The following GALNT17 variants were observed in gnomAD, a reference collection of about 807,000 sequenced individuals.
GALNT17 encodes UDP-GalNAc:polypeptide N-acetylgalactosaminyltransferase-like 3.
Under a neutral mutation model 63.7 loss-of-function variants are expected in GALNT17, and 29 were observed. The ratio of observed to expected loss-of-function variants is 0.46; its 90% CI spans 0.34 to 0.62. The LOEUF is 0.62. Among genes scored for constraint, GALNT17 ranks in the 20% least tolerant of loss-of-function variants. The pLI, the probability that GALNT17 is intolerant of heterozygous loss-of-function variation, is 0.01. For missense variants in GALNT17, 603 were observed against 799.6 expected, an observed-to-expected ratio of 0.75 and a Z score of 2.97; for synonymous variants, 305 against 318.3, an observed-to-expected ratio of 0.96 and a Z score of 0.45.
At chr7:71,621,492 T>A (rs2116971578) in intron 6 of GALNT17, among the ~76,000 whole-genome samples, 1 of 147,950 alleles carries the variant, frequency 6.8e-6, no homozygotes, top group African/African-American at 2.5e-5. Flanking sequence ...AATGGATGGA[T>A]TGATGGATAG....
intron 2 of GALNT17, among the ~76,000 whole-genome samples, chr7:71,338,253 G>A (rs1207713827): frequency 2.0e-5 from 3 of 152,020 alleles, no homozygotes; most frequent in Non-Finnish European, 4.4e-5. Flanking sequence ...CGTGAACCCG[G>A]GAGGCGGAGG....
intron 3 of GALNT17, among the ~76,000 whole-genome samples, chr7:71,407,405 CT>C (rs1793348286): frequency 6.6e-6 from 1 of 152,132 alleles, no homozygotes; most frequent in Non-Finnish European, 1.5e-5. Flanking sequence ...GAAGAACCCC[CT>C]GGCCACAGAA....
intron 6 of GALNT17, among the ~76,000 whole-genome samples, chr7:71,612,828 G>T (rs912528461): frequency 2.4e-4 from 37 of 152,312 alleles, no homozygotes; most frequent in African/African-American, 8.4e-4. Context: ...AAACTGGGCA[G>T]GGTGAAAATT....
chr7:71,537,923 G>C (rs1185171531), intron 5 of GALNT17, among the ~76,000 whole-genome samples: 2 of 152,140 alleles, frequency 1.3e-5, no homozygotes, highest in East Asian at 3.9e-4. Context: ...ACAGATCAAG[G>C]AATTCCTGTG....
chr7:71,605,132 A>G (rs1790025907), intron 6 of GALNT17, among the ~76,000 whole-genome samples: 1 of 152,206 alleles, frequency 6.6e-6, no homozygotes, highest in African/African-American at 2.4e-5. Context: ...TGAAAGCTGG[A>G]CACATTCTTC....
intron 6 of GALNT17, among the ~76,000 whole-genome samples, chr7:71,648,438 C>G (rs932314087): frequency 1.3e-5 from 2 of 151,880 alleles, no homozygotes; most frequent in Non-Finnish European, 2.9e-5. Flanking sequence ...GCCCAGATAA[C>G]GTTTTTAAAA....
intron 3 of GALNT17, among the ~76,000 whole-genome samples, chr7:71,398,876 T>C (rs1211911778): frequency 6.6e-6 from 1 of 152,232 alleles, no homozygotes; most frequent in South Asian, 2.1e-4. Flanking sequence ...GATCAGACAT[T>C]GTGCACTTGA....
chr7:71,530,218 T>C (rs1419569272), intron 5 of GALNT17, among the ~76,000 whole-genome samples: 2 of 152,270 alleles, frequency 1.3e-5, no homozygotes, highest in South Asian at 2.1e-4. Context: ...TGCTCCTAAG[T>C]ATCTGGATTG....
At chr7:71,625,378 TC>T (rs1790356757) in intron 6 of GALNT17, among the ~76,000 whole-genome samples, 1 of 152,076 alleles carries the variant, frequency 6.6e-6, no homozygotes, top group South Asian at 2.1e-4. Flanking sequence ...ACTCCTGACC[TC>T]AGGTGATCCA....
At position 71,259,892 on chromosome 7, in the gene GALNT17, C is replaced by T. The variant is rs184584928; in HGVS notation, c.239-75658C>T. On this transcript the variant is annotated intron_variant, in intron 1 of 10. Transcript: ENST00000333538. ...TCCTGACCTCGTGATCCACCCGCCT[C>T]GGCCTCCCAAAGTGCTGAGATTACA... Among the ~76,000 whole-genome samples, 100 of 152,074 alleles carry T rather than the reference C, an allele frequency of 6.6e-4. 1 individual carries two copies. The highest frequency in any genetic ancestry group is 1.2e-3 in the Non-Finnish European group (81 of 67,986).
chr7:71,347,315 C>G (rs1792113727), intron 2 of GALNT17, among the ~76,000 whole-genome samples: 1 of 152,148 alleles, frequency 6.6e-6, no homozygotes, highest in African/African-American at 2.4e-5. Context: ...GGGCAAGTTG[C>G]TTAACCTGTC....
chr7:71,157,622 C>G (rs1242625081), intron 1 of GALNT17, among the ~76,000 whole-genome samples: 1 of 151,514 alleles, frequency 6.6e-6, no homozygotes, highest in Non-Finnish European at 1.5e-5. Context: ...TGCGCCACTG[C>G]TTTCCGGCCT....
At chr7:71,360,602 AAG>A (rs1792380305) in intron 2 of GALNT17, among the ~76,000 whole-genome samples, 1 of 151,868 alleles carries the variant, frequency 6.6e-6, no homozygotes, top group Non-Finnish European at 1.5e-5. Context: ...CTCTCCTAAT[AAG>A]AGTGTGTAAA....
At chr7:71,264,947 A>G (rs1472158698) in intron 1 of GALNT17, among the ~76,000 whole-genome samples, 5 of 151,204 alleles carry the variant, frequency 3.3e-5, no homozygotes, top group African/African-American at 1.2e-4. Flanking sequence ...ACAACAATGT[A>G]TTGTAGATTT....
intron 5 of GALNT17, among the ~76,000 whole-genome samples, chr7:71,508,810 GT>G: frequency 6.6e-6 from 1 of 152,236 alleles, no homozygotes; most frequent in Admixed American, 6.5e-5. Flanking sequence ...GAGCTCCCTG[GT>G]TGTGGGGCCG....
At chr7:71,152,698 T>C (rs1289969707) in intron 1 of GALNT17, among the ~76,000 whole-genome samples, 1 of 152,080 alleles carries the variant, frequency 6.6e-6, no homozygotes, top group Admixed American at 6.6e-5. Context: ...AGTGGTGCAA[T>C]CTCTGCTCAG....
At chr7:71,335,780 TG>T in intron 2 of GALNT17, 47 bp downstream of exon 2, 2 of 1,525,434 alleles carry the variant, frequency 1.3e-6, no homozygotes, top group South Asian at 1.3e-5. Context: ...GTCGTCAGAG[TG>T]GGTGTAGACC....
intron 2 of GALNT17, among the ~76,000 whole-genome samples, chr7:71,348,225 C>T (rs1453531196): frequency 6.6e-6 from 1 of 151,430 alleles, no homozygotes; most frequent in Non-Finnish European, 1.5e-5. Flanking sequence ...CACACCATTG[C>T]ACTCCAGCCT....
intron 5 of GALNT17, among the ~76,000 whole-genome samples, chr7:71,507,270 A>T (rs774902113): frequency 1.3e-5 from 2 of 152,180 alleles, no homozygotes; most frequent in Non-Finnish European, 2.9e-5. Flanking sequence ...TAAAAGGCAC[A>T]TTCAACGCAC....
Sources: allele counts gnomAD v4.1 joint callset (sites outside exome capture counted in the v4.1 genomes callset), GRCh38; gene constraint gnomAD v4.1.1; transcripts MANE v1.5; gene names NCBI Gene and HGNC (gene_info 2026-07-23, HGNC 2026-07-21).